The following ANPEP variants were observed in gnomAD, a reference collection of about 807,000 sequenced individuals.
The protein encoded by ANPEP is aminopeptidase N.
ANPEP carries 70 observed loss-of-function variants against 114.6 expected under a neutral mutation model. The ratio of observed to expected loss-of-function variants is 0.61; its 90% CI spans 0.50 to 0.75. The LOEUF is 0.75. Ranked by LOEUF, ANPEP falls within the 30% of genes least tolerant of loss-of-function variation. The pLI is 0.00. For missense variants in ANPEP, 1,184 were observed against 1,259.5 expected, an observed-to-expected ratio of 0.94 and a Z score of 0.91; for synonymous variants, 548 against 522.3, an observed-to-expected ratio of 1.05 and a Z score of -0.67.
In ANPEP at chr15:89,804,388, G is replaced by C; in HGVS notation, c.1044C>G (p.Asp348Glu). Residue 348 changes from aspartate (D) to glutamate (E), a missense_variant, in exon 6 of 21, where the codon GAC becomes GAG. Coordinates refer to ENST00000300060, the MANE Select transcript of ANPEP (RefSeq NM_001150.3). ...LPKSDQIGLP[D>E]FNAGAMENWG... ...AGTTCTCCATGGCGCCGGCGTTGAA[G>C]TCTGGCAGGCCAATCTGGTCTGGGG... The C allele has an allele frequency of 6.2e-7, 1 of 1,614,242 alleles. No homozygotes were observed. Among genetic ancestry groups the C allele is most frequent in the South Asian group, 1.1e-5 (1 of 91,088 alleles).
intron 10 of ANPEP, among the ~76,000 whole-genome samples, chr15:89,801,882 C>T (rs1308664617): frequency 6.6e-6 from 1 of 152,130 alleles, no homozygotes; most frequent in Admixed American, 6.5e-5. Flanking sequence ...GAGGGGGTGC[C>T]CAGGATGCCC....
intron 6 of ANPEP, 44 bp from the exon 7 acceptor site, chr15:89,804,046 G>T: frequency 1.2e-6 from 2 of 1,602,210 alleles, no homozygotes; most frequent in Non-Finnish European, 1.7e-6. Flanking sequence ...CCCAGGCTGG[G>T]CACTGAGAAT....
At chr15:89,788,293 T>C (rs561413269) in intron 20 of ANPEP, among the ~76,000 whole-genome samples, 1 of 152,158 alleles carries the variant, frequency 6.6e-6, no homozygotes, top group African/African-American at 2.4e-5. Flanking sequence ...TATTCAGCCA[T>C]AAAAAAGAAT....
chr15:89,786,235 A>T (rs72754562), intron 20 of ANPEP, among the ~76,000 whole-genome samples: 22,187 of 152,170 alleles, frequency 0.15, 1,752 homozygotes, highest in Middle Eastern at 0.18. Flanking sequence ...AAAAACTACA[A>T]AACATTTTTG....
At chr15:89,796,616 T>C (rs1968731748) in intron 15 of ANPEP, among the ~76,000 whole-genome samples, 1 of 151,810 alleles carries the variant, frequency 6.6e-6, no homozygotes, top group African/African-American at 2.4e-5. Flanking sequence ...GCCTCCCGAG[T>C]AGCTGGGACT....
At chr15:89,814,505 C>T (rs959788465) in intron 1 of ANPEP, among the ~76,000 whole-genome samples, 1 of 152,134 alleles carries the variant, frequency 6.6e-6, no homozygotes, top group African/African-American at 2.4e-5. Context: ...CCCTGGGGCC[C>T]CCTCCCCAGA....
Position 89,803,837 on chromosome 15 carries a change from C to A in ANPEP, c.1294-47G>T, listed in dbSNP as rs1343830460. 12 of 1,612,668 alleles carry A rather than the reference C, an allele frequency of 7.4e-6. No homozygotes were observed. The highest frequency in any genetic ancestry group is 1.0e-5 in the Non-Finnish European group (12 of 1,179,076). The stretch of plus-strand genomic sequence containing the variant: ...CAGGAGACTGGCCTGGTAGCGGTGG[C>A]CCAGGTCTCCCTCCATGCCCCCCGC... On this transcript the variant is annotated intron_variant, in intron 7 of 20. Transcript: ENST00000300060. This position sits in a 1 kb window ranked among gnomAD's most constrained non-coding sequence, Gnocchi z 4.2.
chr15:89,799,474 G>A lies in ANPEP; in HGVS notation c.1905C>T (p.Asp635=), dbSNP rs770866670. 9.7e-5 allele frequency: 157 copies of A among 1,614,026 alleles called. No homozygotes were observed. Among genetic ancestry groups the A allele is most frequent in the East Asian group, 8.9e-5 (4 of 44,888 alleles). The stretch of plus-strand genomic sequence containing the variant: ...TCTGAATCTTCCTCCAGTTCTCTTC[G>A]TCGTAGTTCACCCGGTAATAGCCCG... ...NVTGYYRVNY[D]EENWRKIQTQ... The change falls in exon 13 of 21, where the codon GAC becomes GAT. Residue 635 remains aspartate, a synonymous_variant. Coordinates refer to ENST00000300060, the MANE Select transcript of ANPEP (RefSeq NM_001150.3). This position sits in a 1 kb window ranked among gnomAD's most constrained non-coding sequence, Gnocchi z 4.2.
chr15:89,788,184 G>A (rs112643735), intron 20 of ANPEP, among the ~76,000 whole-genome samples: 2,352 of 152,284 alleles, frequency 0.015, 69 homozygotes, highest in African/African-American at 0.053. Context: ...TGCACGTGAA[G>A]GTCCATGATA....
In ANPEP at chr15:89,801,590, G is replaced by A. The variant is rs1308811494; in HGVS notation, c.1587C>T (p.Ser529=). 4 of 1,613,914 alleles carry A rather than the reference G, an allele frequency of 2.5e-6. No individual in the cohort carries two copies. Among genetic ancestry groups the A allele is most frequent in the Non-Finnish European group, 3.4e-6 (4 of 1,179,854 alleles). ...DHLQEAVNNR[S]IQLPTTVRDI... ...CCCGCACGGTGGTGGGGAGTTGGAT[G>A]GACCGGTTGTTCACAGCCTGTGGGT... Residue 529 remains serine (S), a synonymous_variant, in exon 11 of 21, where the codon TCC becomes TCT. Transcript: ENST00000300060.
chr15:89,795,015 C>T (rs1439119), intron 15 of ANPEP, among the ~76,000 whole-genome samples: 57,464 of 151,190 alleles, frequency 0.38, 12,398 homozygotes, highest in African/African-American at 0.59. Flanking sequence ...CTGTCTCAAA[C>T]CCAAAGGGGT....
At chr15:89,812,487 C>A (rs144294323) in intron 1 of ANPEP, among the ~76,000 whole-genome samples, 5 of 152,314 alleles carry the variant, frequency 3.3e-5, no homozygotes, top group African/African-American at 1.2e-4. Context: ...CCTGCAAGAA[C>A]CTCAGAAGGC....
At chr15:89,807,636 G>A (rs1894741940) in intron 1 of ANPEP, among the ~76,000 whole-genome samples, 3 of 152,156 alleles carry the variant, frequency 2.0e-5, no homozygotes, top group African/African-American at 7.2e-5. Context: ...GGGAGGCAGA[G>A]ATTGCAGTGA....
rs781266711 is a variant in ANPEP at position 89,790,996 on chromosome 15, C to T, written c.2626G>A (p.Val876Ile). The T allele has an allele frequency of 1.9e-6, 3 of 1,614,134 alleles. No homozygotes were observed. The African/African-American group carries it at 4.0e-5, about 22-fold the overall frequency. Residue 876 changes from valine (V) to isoleucine (I), a missense_variant, in exon 19 of 21, where the codon GTC becomes ATC. Transcript: ENST00000300060. ...CAGTTGCTCTGGACAAAGTCCCAGA[C>T]CAGACCTTGCCCAATGACGTTGTTG... ...ITNNVIGQGL[V>I]WDFVQSNWKK... is the part of the protein sequence containing the mutation.
Position 89,803,673 on chromosome 15 carries a change from G to A in ANPEP, c.1411C>T (p.Leu471=). ...TTGCTGTAGGAGATGGCGTCAAACA[G>A]CTCACTGATCTGGGCCGGCGTGTTG... ...EINTPAQISE[L]FDAISYSKGA... is the part of the protein sequence containing the mutation. Residue 471 remains leucine (L), a synonymous_variant, in exon 8 of 21, where the codon CTG becomes TTG. Transcript: ENST00000300060. The surrounding 1 kb of genome is among the most constrained non-coding windows in gnomAD (Gnocchi z 4.2). 1 of 1,612,940 alleles carries A rather than the reference G, an allele frequency of 6.2e-7. No individual in the cohort carries two copies. Among genetic ancestry groups the A allele is most frequent in the Non-Finnish European group, 8.5e-7 (1 of 1,179,512 alleles).
chr15:89,792,447 C>G lies in ANPEP; in HGVS notation c.2360+5G>C, dbSNP rs1309924025. 4 of 1,613,900 alleles carry G rather than the reference C, an allele frequency of 2.5e-6. No individual in the cohort carries two copies. Among genetic ancestry groups the G allele is most frequent in the Non-Finnish European group, 3.4e-6 (4 of 1,179,934 alleles). On this transcript the variant is annotated splice_donor_5th_base_variant and intron_variant, in intron 17 of 20. Transcript: ENST00000300060. ...TGGCAGAGGAGGCGCAGGGGAGACA[C>G]TCACGGGTTATTATTGGGGTTCTCC...
intron 20 of ANPEP, among the ~76,000 whole-genome samples, chr15:89,788,678 G>T (rs1277962446): frequency 6.6e-6 from 1 of 152,178 alleles, no homozygotes; most frequent in African/African-American, 2.4e-5. Context: ...TCCGCTCACT[G>T]CAACCTCTGC....
chr15:89,813,255 C>T (rs1359404198), intron 1 of ANPEP, among the ~76,000 whole-genome samples: 1 of 152,222 alleles, frequency 6.6e-6, no homozygotes, highest in Non-Finnish European at 1.5e-5. Flanking sequence ...GTTCCAACAC[C>T]TTGGCTCCTT....
Position 89,803,767 on chromosome 15 carries a change from AT to A in ANPEP, c.1316del (p.Asp439ValfsTer5). ...WNLKDLMVLNDVYRVMAVDAL... is the reference protein window; with the variant it reads ...WNLKDLMVLNXVYRVMAVDAL... Reference sequence around the variant, plus strand: ...CATCCACTGCCATCACGCGGTACACATCATTCAGCACCATGAGGTCTTTCTG... The same window carrying A: ...CATCCACTGCCATCACGCGGTACACACATTCAGCACCATGAGGTCTTTCTG... On this transcript the variant is annotated frameshift_variant, in exon 8 of 21. Coordinates refer to ENST00000300060, the MANE Select transcript of ANPEP (RefSeq NM_001150.3). LOFTEE classifies it high-confidence loss of function. The surrounding 1 kb of genome is among the most constrained non-coding windows in gnomAD (Gnocchi z 4.2). The A allele has an allele frequency of 6.2e-7, 1 of 1,609,220 alleles. No homozygotes were observed.
Sources: gnomAD v4.1 joint callset for allele counts (sites outside exome capture counted in the v4.1 genomes callset) on GRCh38, gnomAD v4.1.1 for gene constraint, Gnocchi (gnomAD v3.1) non-coding constraint, MANE v1.5 for transcripts, NCBI Gene and HGNC (gene_info 2026-07-23, HGNC 2026-07-21) for gene names.